Variants in CHKA observed in about 807,000 individuals in gnomAD.
The protein encoded by CHKA is CHETK-alpha.
A neutral mutation model predicts 60.1 loss-of-function variants in CHKA; 34 were observed. That is an observed-to-expected ratio of 0.57 (90% CI 0.43 to 0.75). The LOEUF (loss-of-function observed/expected upper bound fraction) is 0.75, where lower values mean the gene tolerates loss of function less well. Among genes scored for constraint, CHKA ranks in the 30% least tolerant of loss-of-function variants. CHKA has a pLI of 0.00. For synonymous variants in CHKA, 217 were observed against 223.1 expected (o/e 0.97, Z 0.24); for missense variants, 563 against 561.3 (o/e 1.00, Z -0.03).
intron 2 of CHKA, among the ~76,000 whole-genome samples, chr11:68,088,309 T>C (rs1390421780): frequency 6.6e-6 from 1 of 152,064 alleles, no homozygotes; most frequent in Non-Finnish European, 1.5e-5. Flanking sequence ...GGTGCATCAT[T>C]CGGATTCAAT....
intron 3 of CHKA, 123 bp downstream of exon 3, chr11:68,081,281 C>G: frequency 2.8e-6 from 2 of 718,080 alleles, no homozygotes; most frequent in Non-Finnish European, 4.7e-6. Flanking sequence ...AGCCCCTCCT[C>G]GTAGAAAGAT....
chr11:68,065,027 T>C (rs1316914888), intron 9 of CHKA, among the ~76,000 whole-genome samples: 1 of 152,200 alleles, frequency 6.6e-6, no homozygotes, highest in Non-Finnish European at 1.5e-5. Context: ...GAAATTCCCA[T>C]GAGAACTGAT....
chr11:68,062,041 T>A lies in CHKA; in HGVS notation c.1233-7A>T, dbSNP rs1022179519. The A allele has an allele frequency of 5.7e-6, 9 of 1,571,070 alleles. No homozygotes were observed. Among genetic ancestry groups the A allele is most frequent in the Middle Eastern group, 1.7e-4 (1 of 5,976 alleles). On this transcript the variant is annotated splice_region_variant and splice_polypyrimidine_tract_variant and intron_variant, in intron 10 of 11. Coordinates refer to ENST00000265689, the MANE Select transcript of CHKA (RefSeq NM_001277.3). ...ATGAGATGCAAGGGCAAACCTGGAA[T>A]GATAAAAGCAAGAAACATATAAGAG...
intron 2 of CHKA, among the ~76,000 whole-genome samples, chr11:68,095,813 G>A (rs895075416): frequency 8.6e-5 from 13 of 151,450 alleles, no homozygotes; most frequent in Admixed American, 4.0e-4. Flanking sequence ...AGGGTGAGGC[G>A]GGCAGATCAC....
chr11:68,107,917 A>T (rs1299785018), intron 1 of CHKA, among the ~76,000 whole-genome samples: 1 of 152,198 alleles, frequency 6.6e-6, no homozygotes, highest in Non-Finnish European at 1.5e-5. Context: ...GTGTAAATAC[A>T]TTACGAAAGA....
chr11:68,069,000 T>G lies in CHKA; in HGVS notation c.870-63A>C, dbSNP rs866633404. On this transcript the variant is annotated intron_variant, in intron 6 of 11. Transcript: ENST00000265689. ...TCAGTCAGCTGCACACAGTCTTGCT[T>G]TCTCCACATGGCCAGCACCAAATTC... 23 of 1,304,584 alleles carry G rather than the reference T, an allele frequency of 1.8e-5. 2 individuals carry two copies. In the Middle Eastern group the frequency reaches 4.2e-3, roughly 238 times the overall value. 80.8% of individuals were successfully genotyped at this position (1,304,584 alleles called of 1,614,324 possible). A position where few individuals can be genotyped will look rare whatever the true frequency, so the allele number is the denominator to read the frequency against.
At chr11:68,096,963 A>T in intron 2 of CHKA, 56 bp downstream of exon 2, 3 of 1,227,128 alleles carry the variant, frequency 2.4e-6, no homozygotes, top group Non-Finnish European at 3.6e-6. Context: ...ATCTCAGCAA[A>T]GAGGATTTAA....
intron 1 of CHKA, among the ~76,000 whole-genome samples, chr11:68,099,929 C>T (rs1857648077): frequency 6.6e-6 from 1 of 152,242 alleles, no homozygotes. Context: ...AACCCTTCAA[C>T]TGCTTTTTAT....
chr11:68,099,165 G>A (rs1051619751), intron 1 of CHKA, among the ~76,000 whole-genome samples: 1 of 152,166 alleles, frequency 6.6e-6, no homozygotes, highest in Non-Finnish European at 1.5e-5. Context: ...CAGGAGCTGG[G>A]GTGGGAAGGG....
chr11:68,113,232 G>T (rs1858246567), intron 1 of CHKA, among the ~76,000 whole-genome samples: 1 of 151,066 alleles, frequency 6.6e-6, no homozygotes. Flanking sequence ...CCACATCTGT[G>T]AATACCCACT....
chr11:68,109,318 T>C (rs1858046343), intron 1 of CHKA, among the ~76,000 whole-genome samples: 1 of 152,180 alleles, frequency 6.6e-6, no homozygotes, highest in East Asian at 1.9e-4. Flanking sequence ...CTCGATCTCC[T>C]GACCTCGTGA....
intron 2 of CHKA, among the ~76,000 whole-genome samples, chr11:68,086,369 G>A (rs1371303915): frequency 2.0e-5 from 3 of 152,116 alleles, no homozygotes; most frequent in South Asian, 2.1e-4. Flanking sequence ...CAGGACCAAG[G>A]AGGAAGAGAT....
chr11:68,075,200 T>C (rs1856748486), intron 3 of CHKA, among the ~76,000 whole-genome samples: 1 of 152,136 alleles, frequency 6.6e-6, no homozygotes, highest in South Asian at 2.1e-4. Flanking sequence ...CACCATCCAT[T>C]CTGGTAAGGG....
At chr11:68,060,565 C>T (rs935626575) in intron 11 of CHKA, among the ~76,000 whole-genome samples, 2 of 152,238 alleles carry the variant, frequency 1.3e-5, no homozygotes, top group African/African-American at 4.8e-5. Context: ...ACCACCTCGG[C>T]CTCCCAAAGT....
At chr11:68,069,782 G>T (rs1856556762) in intron 6 of CHKA, among the ~76,000 whole-genome samples, 1 of 152,058 alleles carries the variant, frequency 6.6e-6, no homozygotes, top group African/African-American at 2.4e-5. Context: ...TTGCTTCAGA[G>T]ATCAGTATGA....
intron 2 of CHKA, chr11:68,089,799 C>T (rs187363318): frequency 1.6e-4 from 25 of 152,322 alleles, no homozygotes; most frequent in Non-Finnish European, 2.5e-4. Flanking sequence ...AATGCTCCAA[C>T]TTCAGAGGTC....
chr11:68,060,375 T>A (rs1045441913), intron 11 of CHKA, among the ~76,000 whole-genome samples: 1 of 151,768 alleles, frequency 6.6e-6, no homozygotes, highest in East Asian at 1.9e-4. Context: ...AATGGCGCCA[T>A]CTCGGCTCAC....
chr11:68,079,470 C>A (rs1467246478), intron 3 of CHKA, among the ~76,000 whole-genome samples: 1 of 152,126 alleles, frequency 6.6e-6, no homozygotes, highest in Admixed American at 6.5e-5. Context: ...GCTAGGACTA[C>A]AGGCGCCCGC....
At chr11:68,056,539 C>T (rs1050120121) in intron 11 of CHKA, among the ~76,000 whole-genome samples, 1 of 152,190 alleles carries the variant, frequency 6.6e-6, no homozygotes, top group Admixed American at 6.5e-5. Context: ...TATCCAATGA[C>T]ATCTCCATAA....
Sources: allele counts gnomAD v4.1 joint callset (sites outside exome capture counted in the v4.1 genomes callset), GRCh38; gene constraint gnomAD v4.1.1; transcripts MANE v1.5; gene names NCBI Gene and HGNC (gene_info 2026-07-23, HGNC 2026-07-21).